ARHGAP26: variants seen among roughly 807,000 people sequenced by gnomAD.
The protein encoded by ARHGAP26 is Rho GTPase activating protein 26, also known as rho GTPase-activating protein 26.
Under a neutral mutation model 104.8 loss-of-function variants are expected in ARHGAP26, and 38 were observed. That is an observed-to-expected ratio of 0.36 (90% confidence interval 0.28 to 0.48). The LOEUF (loss-of-function observed/expected upper bound fraction) is 0.48. Ranked by LOEUF, ARHGAP26 falls within the 20% of genes least tolerant of loss-of-function variation. The pLI is 0.99. For synonymous variants in ARHGAP26, 341 were observed against 340.0 expected, an observed-to-expected ratio of 1.00 and a Z score of -0.03; for missense variants, 704 against 947.9, an observed-to-expected ratio of 0.74 and a Z score of 3.38.
chr5:142,986,754 A>G (rs1013694847), intron 11 of ARHGAP26, among the ~76,000 whole-genome samples: 3 of 152,204 alleles, frequency 2.0e-5, no homozygotes, highest in Non-Finnish European at 2.9e-5. Flanking sequence ...CCATTTATTA[A>G]ATAGGGAATC....
chr5:142,776,390 G>A (rs1597569019), intron 1 of ARHGAP26, among the ~76,000 whole-genome samples: 1 of 152,186 alleles, frequency 6.6e-6, no homozygotes, highest in East Asian at 1.9e-4. Context: ...ATGCTCATTT[G>A]CAGGCACTGC....
intron 11 of ARHGAP26, among the ~76,000 whole-genome samples, chr5:142,955,387 G>C (rs1385212925): frequency 6.6e-5 from 10 of 152,156 alleles, no homozygotes; most frequent in Admixed American, 6.5e-4. Flanking sequence ...TGAGAAACGA[G>C]GAAATATGGT....
At chr5:143,070,954 A>T (rs528925425) in intron 17 of ARHGAP26, among the ~76,000 whole-genome samples, 1 of 152,302 alleles carries the variant, frequency 6.6e-6, no homozygotes, top group South Asian at 2.1e-4. Context: ...CTTCACAAAC[A>T]TAGAAATAAA....
At chr5:143,069,790 G>A (rs1249592326) in intron 17 of ARHGAP26, among the ~76,000 whole-genome samples, 1 of 152,168 alleles carries the variant, frequency 6.6e-6, no homozygotes, top group East Asian at 1.9e-4. Flanking sequence ...TCTTGTAAGT[G>A]CCTCAATAGC....
At chr5:142,964,546 ACAC>A (rs746627136) in intron 11 of ARHGAP26, among the ~76,000 whole-genome samples, 12,393 of 139,168 alleles carry the variant, frequency 0.089, 836 homozygotes, top group African/African-American at 0.23. Context: ...TGTTTAAAAC[ACAC>A]ACACACACAC....
At chr5:142,973,541 G>C (rs993933438) in intron 11 of ARHGAP26, among the ~76,000 whole-genome samples, 3 of 152,132 alleles carry the variant, frequency 2.0e-5, no homozygotes, top group African/African-American at 7.2e-5. Context: ...AAACTTTTCT[G>C]TATAGTTTGA....
chr5:143,053,178 G>A (rs1486897386), intron 14 of ARHGAP26, among the ~76,000 whole-genome samples: 2 of 152,174 alleles, frequency 1.3e-5, no homozygotes, highest in South Asian at 4.1e-4. Flanking sequence ...ATATCTGTTC[G>A]TGAGTCCTGG....
At chr5:143,010,311 C>G (rs1301279960) in intron 11 of ARHGAP26, among the ~76,000 whole-genome samples, 1 of 152,224 alleles carries the variant, frequency 6.6e-6, no homozygotes, top group Admixed American at 6.5e-5. Flanking sequence ...CTGACCAGCT[C>G]TGTGTCCTTA....
chr5:142,916,359 T>C (rs906884960), intron 10 of ARHGAP26, among the ~76,000 whole-genome samples: 1 of 152,138 alleles, frequency 6.6e-6, no homozygotes, highest in African/African-American at 2.4e-5. Flanking sequence ...ATATTGTGAG[T>C]TGATTACCGT....
intron 20 of ARHGAP26, among the ~76,000 whole-genome samples, chr5:143,157,910 G>C (rs933023082): frequency 1.3e-5 from 2 of 152,186 alleles, no homozygotes; most frequent in African/African-American, 4.8e-5. Context: ...TTTCCTAACT[G>C]TGTAAACTTG....
intron 10 of ARHGAP26, among the ~76,000 whole-genome samples, chr5:142,928,795 T>G (rs1355796094): frequency 1.3e-5 from 2 of 152,246 alleles, no homozygotes; most frequent in Non-Finnish European, 2.9e-5. Flanking sequence ...TGGCATATAC[T>G]GCTGGGTTAT....
chr5:142,954,273 C>T (rs1286755367), intron 11 of ARHGAP26, among the ~76,000 whole-genome samples: 1 of 152,148 alleles, frequency 6.6e-6, no homozygotes, highest in Non-Finnish European at 1.5e-5. Flanking sequence ...CAATGCAGAG[C>T]CCACATCAGG....
At chr5:142,864,751 T>C (rs1253851326) in intron 1 of ARHGAP26, among the ~76,000 whole-genome samples, 2 of 152,214 alleles carry the variant, frequency 1.3e-5, no homozygotes, top group Non-Finnish European at 2.9e-5. Flanking sequence ...CATGTGTCTT[T>C]CCTATTTTGA....
At chr5:143,205,712 A>G (rs1278627745) in intron 20 of ARHGAP26, among the ~76,000 whole-genome samples, 2 of 152,338 alleles carry the variant, frequency 1.3e-5, no homozygotes, top group African/African-American at 4.8e-5. Flanking sequence ...TAGGCTGGGT[A>G]TCCTTAGAGA....
intron 20 of ARHGAP26, among the ~76,000 whole-genome samples, chr5:143,183,073 CAAAAAAAAAAA>C (rs70991799): frequency 1.1e-5 from 1 of 89,962 alleles, no homozygotes; most frequent in Non-Finnish European, 2.4e-5. Context: ...TGAAAAGTGG[CAAAAAAAAAAA>C]AAAAAAAGAA....
At chr5:142,890,195 T>TATATATAC (rs1554140804) in intron 5 of ARHGAP26, among the ~76,000 whole-genome samples, 1 of 121,362 alleles carries the variant, frequency 8.2e-6, no homozygotes, top group Non-Finnish European at 1.7e-5. Flanking sequence ...TATATATATA[T>TATATATAC]ATGAAAGTGC....
At chr5:143,120,708 G>A (rs1185181208) in intron 17 of ARHGAP26, among the ~76,000 whole-genome samples, 1 of 152,186 alleles carries the variant, frequency 6.6e-6, no homozygotes, top group African/African-American at 2.4e-5. Flanking sequence ...ATGTTCAAAG[G>A]TTAGTAATTT....
At chr5:142,858,094 TGAGAGAGAGAGAGAGAGGGA>T (rs1752700867) in intron 1 of ARHGAP26, among the ~76,000 whole-genome samples, 7 of 127,222 alleles carry the variant, frequency 5.5e-5, no homozygotes, top group South Asian at 2.6e-4. Flanking sequence ...TGTGTGTGTG[TGAGAGAGAGAGAGAGAGGGA>T]GTGTGTGTGT....
chr5:143,120,738 TG>T (rs1172760241), intron 17 of ARHGAP26, among the ~76,000 whole-genome samples: 1 of 152,182 alleles, frequency 6.6e-6, no homozygotes, highest in East Asian at 1.9e-4. Context: ...TTGCTTTGGT[TG>T]GTTGGTTGTT....
Sources: allele counts gnomAD v4.1 joint callset (sites outside exome capture counted in the v4.1 genomes callset), GRCh38; gene constraint gnomAD v4.1.1; transcripts MANE v1.5; gene names NCBI Gene and HGNC (gene_info 2026-07-23, HGNC 2026-07-21).